MAPKAP1: variants seen among roughly 807,000 people sequenced by gnomAD.
The protein encoded by MAPKAP1 is MAPK associated protein 1, also known as target of rapamycin complex 2 subunit MAPKAP1.
Under a neutral mutation model 65.7 loss-of-function variants are expected in MAPKAP1, and 20 were observed. The ratio of observed to expected loss-of-function variants is 0.30; its 90% CI spans 0.21 to 0.44. The LOEUF is 0.44. Among genes scored for constraint, MAPKAP1 ranks in the 20% least tolerant of loss-of-function variants. MAPKAP1 has a pLI of 1.00. For synonymous variants in MAPKAP1, 222 were observed against 244.3 expected (o/e 0.91, Z 0.85); for missense variants, 423 against 648.0 (o/e 0.65, Z 3.77).
intron 7 of MAPKAP1, among the ~76,000 whole-genome samples, chr9:125,534,855 C>T (rs1830029496): frequency 6.6e-6 from 1 of 152,126 alleles, no homozygotes; most frequent in Non-Finnish European, 1.5e-5. Context: ...TTCCCTGACT[C>T]CCCAGGATGG....
At chr9:125,664,450 T>C (rs621107) in intron 3 of MAPKAP1, among the ~76,000 whole-genome samples, 138,923 of 151,936 alleles carry the variant, frequency 0.91, 64,694 homozygotes, top group East Asian at 1. Flanking sequence ...GTAGGCTGGG[T>C]GTGGTGGCTC....
At chr9:125,558,529 G>C (rs770238289) in intron 6 of MAPKAP1, among the ~76,000 whole-genome samples, 8 of 152,126 alleles carry the variant, frequency 5.3e-5, no homozygotes, top group Non-Finnish European at 1.2e-4. Flanking sequence ...CCTATTTTCT[G>C]TAACAATCTC....
At chr9:125,700,285 T>A (rs1372628856) in intron 1 of MAPKAP1, among the ~76,000 whole-genome samples, 1 of 152,244 alleles carries the variant, frequency 6.6e-6, no homozygotes, top group Admixed American at 6.5e-5. Context: ...ATGGTACTTA[T>A]TTATAACACA....
intron 7 of MAPKAP1, among the ~76,000 whole-genome samples, chr9:125,506,684 C>T (rs775504273): frequency 3.3e-5 from 5 of 152,184 alleles, no homozygotes; most frequent in Non-Finnish European, 5.9e-5. Flanking sequence ...AGAGTGACTA[C>T]GCCACTTCTC....
At chr9:125,493,983 A>G (rs904412475) in intron 8 of MAPKAP1, among the ~76,000 whole-genome samples, 6 of 152,324 alleles carry the variant, frequency 3.9e-5, no homozygotes, top group African/African-American at 1.4e-4. Flanking sequence ...CTGGAAATGC[A>G]TAACTCCATG....
At chr9:125,644,578 C>T (rs1360842092) in intron 4 of MAPKAP1, among the ~76,000 whole-genome samples, 1 of 152,188 alleles carries the variant, frequency 6.6e-6, no homozygotes, top group African/African-American at 2.4e-5. Context: ...TTTATTAAAG[C>T]TCATTACCAT....
At chr9:125,634,485 G>A (rs1438178839) in intron 4 of MAPKAP1, among the ~76,000 whole-genome samples, 5 of 152,152 alleles carry the variant, frequency 3.3e-5, no homozygotes, top group Non-Finnish European at 7.3e-5. Context: ...AGCAATTCTT[G>A]TCATCAAATT....
intron 11 of MAPKAP1, among the ~76,000 whole-genome samples, chr9:125,442,693 C>T (rs1019375441): frequency 4.6e-5 from 7 of 152,166 alleles, no homozygotes; most frequent in East Asian, 3.9e-4. Flanking sequence ...AGGCCCGTGT[C>T]CCCACTCCTT....
chr9:125,677,548 T>C (rs1273916327), intron 1 of MAPKAP1, among the ~76,000 whole-genome samples: 1 of 151,644 alleles, frequency 6.6e-6, no homozygotes, highest in Non-Finnish European at 1.5e-5. Context: ...ATATAAAAAG[T>C]AGGGGGGCGT....
chr9:125,580,988 G>T (rs1471361052), intron 5 of MAPKAP1, among the ~76,000 whole-genome samples: 2 of 152,160 alleles, frequency 1.3e-5, no homozygotes, highest in Non-Finnish European at 2.9e-5. Context: ...TTAGAGATTG[G>T]TTTTTTTCAC....
intron 1 of MAPKAP1, among the ~76,000 whole-genome samples, chr9:125,681,446 C>T (rs1238197133): frequency 6.6e-6 from 1 of 152,212 alleles, no homozygotes; most frequent in Non-Finnish European, 1.5e-5. Context: ...CAGGGACAAG[C>T]CTCCCACTAA....
At chr9:125,605,297 G>C (rs955752159) in intron 4 of MAPKAP1, among the ~76,000 whole-genome samples, 9 of 152,142 alleles carry the variant, frequency 5.9e-5, no homozygotes, top group Non-Finnish European at 1.0e-4. Flanking sequence ...GTCAAATCCT[G>C]GCAGGTTACA....
chr9:125,648,032 G>A (rs376635592), intron 4 of MAPKAP1, among the ~76,000 whole-genome samples: 1 of 151,242 alleles, frequency 6.6e-6, no homozygotes, highest in Non-Finnish European at 1.5e-5. Flanking sequence ...GAAGCAGTCC[G>A]TCAGGTTTCA....
intron 6 of MAPKAP1, among the ~76,000 whole-genome samples, chr9:125,553,242 A>G (rs1830635744): frequency 6.6e-6 from 1 of 152,190 alleles, no homozygotes. Context: ...TGTGAACAAG[A>G]AATAAAATTA....
At chr9:125,454,949 G>C (rs2132952246) in intron 10 of MAPKAP1, among the ~76,000 whole-genome samples, 1 of 152,124 alleles carries the variant, frequency 6.6e-6, no homozygotes, top group Non-Finnish European at 1.5e-5. Context: ...ACTTTGGGAG[G>C]CCAAGATGAG....
intron 8 of MAPKAP1, among the ~76,000 whole-genome samples, chr9:125,502,378 G>A (rs990262332): frequency 6.6e-6 from 1 of 152,102 alleles, no homozygotes; most frequent in African/African-American, 2.4e-5. Context: ...TGGGATTACA[G>A]GCGTGAGCCA....
intron 1 of MAPKAP1, among the ~76,000 whole-genome samples, chr9:125,693,626 TACACATATACAC>T (rs1465755137): frequency 4.1e-5 from 6 of 148,100 alleles, no homozygotes; most frequent in African/African-American, 1.0e-4. Context: ...CACACATATA[TACACATATACAC>T]ACACATATAC....
At chr9:125,650,922 A>G (rs1484126380) in intron 4 of MAPKAP1, among the ~76,000 whole-genome samples, 1 of 152,186 alleles carries the variant, frequency 6.6e-6, no homozygotes, top group Admixed American at 6.5e-5. Flanking sequence ...GAGAATTAAT[A>G]TAATGGTAAG....
intron 7 of MAPKAP1, among the ~76,000 whole-genome samples, chr9:125,516,982 A>T (rs535678779): frequency 1.9e-4 from 29 of 152,326 alleles, no homozygotes; most frequent in Admixed American, 1.8e-3. Flanking sequence ...CGTGCTTTCC[A>T]TGCATTTGCT....
Sources: allele counts gnomAD v4.1 joint callset (sites outside exome capture counted in the v4.1 genomes callset), GRCh38; gene constraint gnomAD v4.1.1; transcripts MANE v1.5; gene names NCBI Gene and HGNC (gene_info 2026-07-23, HGNC 2026-07-21).